Variants in PDS5B observed in about 807,000 individuals in gnomAD.
PDS5B encodes PDS5 cohesin associated factor B, also known as sister chromatid cohesion protein PDS5 homolog B.
PDS5B carries 51 observed loss-of-function variants against 184.1 expected under a neutral mutation model. The observed-to-expected ratio is 0.28, with a 90% CI of 0.22 to 0.35. The LOEUF is 0.35. Among genes scored for constraint, PDS5B ranks in the 10% least tolerant of loss-of-function variants. The pLI is 1.00. For missense variants in PDS5B, 1,180 were observed against 1,723.3 expected (o/e 0.68, Z 5.58); for synonymous variants, 566 against 569.2 (o/e 0.99, Z 0.08).
chr13:32,755,984 A>G (rs1431788593), intron 26 of PDS5B, 28 bp downstream of exon 26: 3 of 1,103,618 alleles, frequency 2.7e-6, no homozygotes, highest in Non-Finnish European at 4.1e-6. Flanking sequence ...CCATTTTCAT[A>G]TTTTCTGAAA....
chr13:32,616,347 G>T (rs1318203101), intron 1 of PDS5B, among the ~76,000 whole-genome samples: 2 of 151,816 alleles, frequency 1.3e-5, no homozygotes, highest in Admixed American at 6.6e-5. Context: ...GAGCCACTGC[G>T]CCTGGCCCCT....
intron 24 of PDS5B, 26 bp downstream of exon 24, chr13:32,746,126 C>T: frequency 6.3e-7 from 1 of 1,592,960 alleles, no homozygotes; most frequent in Middle Eastern, 1.7e-4. Context: ...TGTACAACTA[C>T]TTTTTGAAGG....
At position 32,747,304 on chromosome 13, in the gene PDS5B, G is replaced by A. The variant is rs140519893; in HGVS notation, c.2736+1204G>A. On this transcript the variant is annotated intron_variant, in intron 24 of 34. Coordinates refer to ENST00000315596, the MANE Select transcript of PDS5B (RefSeq NM_015032.4). ...AGTAGTCTTAAGAATTTACTTCAGT[G>A]ATCATTGCAATTCTTCCTCCCCACC... Among the ~76,000 whole-genome samples, 22 of 152,174 alleles carry A rather than the reference G, an allele frequency of 1.4e-4. No individual in the cohort carries two copies. The East Asian group carries it at 4.2e-3, about 29-fold the overall frequency.
At chr13:32,712,564 T>C (rs513059) in intron 19 of PDS5B, among the ~76,000 whole-genome samples, 103,981 of 152,068 alleles carry the variant, frequency 0.68, 35,808 homozygotes, top group African/African-American at 0.76. Context: ...AAAAATGTAT[T>C]TAAGTAAAGC....
chr13:32,748,228 A>G (rs576220787), intron 24 of PDS5B, among the ~76,000 whole-genome samples: 1 of 152,286 alleles, frequency 6.6e-6, no homozygotes, highest in African/African-American at 2.4e-5. Context: ...AAACCTCAAG[A>G]AAGAATAATC....
chr13:32,663,824 G>A (rs1950715058), intron 6 of PDS5B, among the ~76,000 whole-genome samples: 1 of 152,186 alleles, frequency 6.6e-6, no homozygotes, highest in African/African-American at 2.4e-5. Flanking sequence ...CACCTGAGAA[G>A]TGTACATTGT....
intron 17 of PDS5B, among the ~76,000 whole-genome samples, 158 bp downstream of exon 17, chr13:32,701,596 G>GCA (rs34184885): frequency 0.39 from 54,712 of 142,068 alleles, 10,486 homozygotes; most frequent in Non-Finnish European, 0.45. Flanking sequence ...ATTTGTATAT[G>GCA]CACACACACA....
intron 1 of PDS5B, among the ~76,000 whole-genome samples, chr13:32,603,665 C>T (rs1360483057): frequency 6.6e-6 from 1 of 152,096 alleles, no homozygotes; most frequent in Non-Finnish European, 1.5e-5. Context: ...GGATGGCATT[C>T]AATCTATAAA....
rs1270571691 is a variant in PDS5B, at chr13:32,753,257, T to G, written c.2737-75T>G. On this transcript the variant is annotated intron_variant, in intron 24 of 34. Transcript: ENST00000315596. Reference sequence around the variant, plus strand: ...GCTACTGTTTACTCTTTACTTAAAATAGCAAATTTTATATCTGAAGTTGTT... The same window carrying G: ...GCTACTGTTTACTCTTTACTTAAAAGAGCAAATTTTATATCTGAAGTTGTT... 3 of 1,242,136 alleles carry G rather than the reference T, an allele frequency of 2.4e-6. No individual in the cohort carries two copies. In the Admixed American group the frequency reaches 5.7e-5, roughly 24 times the overall value. The allele number at this position is 1,242,136 out of a possible 1,614,324, so 76.9% of individuals were successfully genotyped here. A position where few individuals can be genotyped will look rare whatever the true frequency, so the allele number is the denominator to read the frequency against.
intron 9 of PDS5B, among the ~76,000 whole-genome samples, chr13:32,676,792 G>A (rs1332277121): frequency 1.1e-4 from 16 of 151,868 alleles, no homozygotes; most frequent in Admixed American, 8.5e-4. Context: ...TTAGCCAGGC[G>A]TGGTGGCAGG....
chr13:32,702,700 A>G (rs1342498261), intron 17 of PDS5B, among the ~76,000 whole-genome samples: 1 of 152,202 alleles, frequency 6.6e-6, no homozygotes, highest in Non-Finnish European at 1.5e-5. Context: ...GAAAAGGGAT[A>G]TTTAGAAAAT....
At chr13:32,696,097 T>C (rs1593448498) in intron 14 of PDS5B, among the ~76,000 whole-genome samples, 1 of 152,134 alleles carries the variant, frequency 6.6e-6, no homozygotes, top group Non-Finnish European at 1.5e-5. Context: ...TCTTGAACTT[T>C]ATTACGCTTT....
chr13:32,668,233 A>T (rs1256245042), intron 7 of PDS5B, among the ~76,000 whole-genome samples: 1 of 152,194 alleles, frequency 6.6e-6, no homozygotes, highest in Non-Finnish European at 1.5e-5. Flanking sequence ...TACAAGAAGA[A>T]GATATGAACT....
At chr13:32,759,446 T>C (rs1593625413) in intron 28 of PDS5B, among the ~76,000 whole-genome samples, 182 bp from the exon 29 acceptor site, 1 of 152,202 alleles carries the variant, frequency 6.6e-6, no homozygotes, top group South Asian at 2.1e-4. Context: ...TTTGTTAATA[T>C]TAGAGTTGGC....
intron 19 of PDS5B, among the ~76,000 whole-genome samples, chr13:32,730,547 T>C (rs1313549237): frequency 6.6e-6 from 1 of 152,216 alleles, no homozygotes; most frequent in African/African-American, 2.4e-5. Flanking sequence ...AGTATGGCCA[T>C]TTTCACGACA....
intron 1 of PDS5B, among the ~76,000 whole-genome samples, chr13:32,634,779 C>G (rs1277245116): frequency 6.6e-6 from 1 of 152,046 alleles, no homozygotes; most frequent in Non-Finnish European, 1.5e-5. Context: ...GATGGAGTTT[C>G]ACTATCTTGG....
chr13:32,774,957 CT>C, intron 34 of PDS5B, 59 bp from the exon 35 acceptor site: 1 of 1,345,154 alleles, frequency 7.4e-7, no homozygotes, highest in Non-Finnish European at 1.1e-6. Context: ...AAAATGATTA[CT>C]GCATATCTTA....
At chr13:32,696,949 AT>A in intron 15 of PDS5B, 47 bp downstream of exon 15, 1 of 1,116,902 alleles carries the variant, frequency 9.0e-7, no homozygotes, top group Middle Eastern at 2.7e-4. Flanking sequence ...TTATTGGAAC[AT>A]TTTTTATAAT....
rs933400137 is a variant in PDS5B, at chr13:32,775,128, T to C, written c.*76T>C. ...TTTTTTTTTTGGTCAAGCTTGAGGC[T>C]GAATAAAGCCTTTGATGCACAAAAT... On this transcript the variant is annotated 3_prime_UTR_variant, in exon 35 of 35. Coordinates refer to ENST00000315596, the MANE Select transcript of PDS5B (RefSeq NM_015032.4). 16 of 1,200,150 alleles carry C rather than the reference T, an allele frequency of 1.3e-5. No homozygotes were observed. In the African/African-American group the frequency reaches 2.2e-4, roughly 17 times the overall value. The allele number at this position is 1,200,150 out of a possible 1,614,324, so 74.3% of individuals were successfully genotyped here. A position where few individuals can be genotyped will look rare whatever the true frequency, so the allele number is the denominator to read the frequency against.
Sources: allele counts gnomAD v4.1 joint callset (sites outside exome capture counted in the v4.1 genomes callset), GRCh38; gene constraint gnomAD v4.1.1; transcripts MANE v1.5; gene names NCBI Gene and HGNC (gene_info 2026-07-23, HGNC 2026-07-21).